The following LDLRAD4 variants were observed in gnomAD, a reference collection of about 807,000 sequenced individuals.
LDLRAD4 encodes low density lipoprotein receptor class A domain containing 4.
LDLRAD4 carries 5 observed loss-of-function variants against 17.0 expected under a neutral mutation model. That is an observed-to-expected ratio of 0.29 (90% CI 0.15 to 0.62). The LOEUF (loss-of-function observed/expected upper bound fraction) is 0.62, where lower values mean the gene tolerates loss of function less well. LDLRAD4 is among the 20% of genes least tolerant of loss of function. The probability of loss-of-function intolerance (pLI) is 0.84; values close to 1 mark genes in which losing one functional copy is unlikely to be tolerated. For synonymous variants in LDLRAD4, 168 were observed against 171.8 expected (o/e 0.98, Z 0.17); for missense variants, 340 against 424.7 (o/e 0.80, Z 1.75).
rs563011974 is a variant in LDLRAD4 at position 13,643,248 on chromosome 18, A to G, written c.337-111A>G. ...GGCGCCCGGCCTCGCTCCACGTTTT[A>G]TGCAGATCCCCGTTTCCAGAAGTTG... On this transcript the variant is annotated intron_variant, in intron 4 of 5. Coordinates refer to ENST00000359446, the Ensembl canonical transcript of LDLRAD4. 48 of 691,968 alleles carry G rather than the reference A, an allele frequency of 6.9e-5. No individual in the cohort carries two copies. In the African/African-American group the frequency reaches 8.7e-4, roughly 13 times the overall value. 42.9% of individuals were successfully genotyped at this position (691,968 alleles called of 1,614,324 possible). A position where few individuals can be genotyped will look rare whatever the true frequency, so the allele number is the denominator to read the frequency against.
chr18:13,311,932 C>T (rs748959372), intron 1 of LDLRAD4, among the ~76,000 whole-genome samples: 1 of 151,568 alleles, frequency 6.6e-6, no homozygotes, highest in Admixed American at 6.6e-5. Context: ...CCCGGGTTCA[C>T]GCCATTCTCC....
chr18:13,235,687 A>T (rs1427885985), intron 1 of LDLRAD4, among the ~76,000 whole-genome samples: 4 of 152,348 alleles, frequency 2.6e-5, no homozygotes, highest in African/African-American at 9.6e-5. Flanking sequence ...CATGTTGCAT[A>T]TGCGATCGGC....
chr18:13,415,207 C>A (rs956820547), intron 2 of LDLRAD4, among the ~76,000 whole-genome samples: 2 of 152,148 alleles, frequency 1.3e-5, no homozygotes, highest in Non-Finnish European at 2.9e-5. Context: ...TGGCTTATTC[C>A]TCTTGAGTTT....
intron 2 of LDLRAD4, among the ~76,000 whole-genome samples, chr18:13,417,423 T>C (rs79350217): frequency 0.014 from 2,164 of 151,104 alleles, 55 homozygotes; most frequent in African/African-American, 0.051. Context: ...GCTTTATTAG[T>C]TTGCTGTTTT....
At chr18:13,252,801 A>C (rs2043294126) in intron 1 of LDLRAD4, among the ~76,000 whole-genome samples, 1 of 152,226 alleles carries the variant, frequency 6.6e-6, no homozygotes, top group Admixed American at 6.5e-5. Flanking sequence ...CCACATCCAC[A>C]GCTGTTTCTG....
At chr18:13,598,614 C>G (rs1479744656) in intron 3 of LDLRAD4, among the ~76,000 whole-genome samples, 2 of 152,250 alleles carry the variant, frequency 1.3e-5, no homozygotes, top group African/African-American at 2.4e-5. Context: ...GCTTGTCACT[C>G]TCAAAGAGCT....
At chr18:13,462,864 C>T (rs1424600305) in intron 3 of LDLRAD4, among the ~76,000 whole-genome samples, 1 of 152,110 alleles carries the variant, frequency 6.6e-6, no homozygotes. Context: ...GGGGGCAGCT[C>T]GTGGCCTAGA....
chr18:13,275,349 C>T (rs1190115196), upstream of LDLRAD4, among the ~76,000 whole-genome samples: 1 of 152,220 alleles, frequency 6.6e-6, no homozygotes, highest in African/African-American at 2.4e-5. Flanking sequence ...CTCAGGTTCA[C>T]TGGTAAAATG....
chr18:13,651,613 T>G (rs1480776345), exon 6 of LDLRAD4: 1 of 152,240 alleles, frequency 6.6e-6, no homozygotes, highest in Non-Finnish European at 1.5e-5. Context: ...GCATTTATCT[T>G]CAAATACCCT....
Position 13,645,756 on chromosome 18 carries a change from A to AAAT in LDLRAD4, c.*102_*104dup. On this transcript the variant is annotated 3_prime_UTR_variant, in exon 6 of 6. Coordinates refer to ENST00000359446, the Ensembl canonical transcript of LDLRAD4. This position sits in a 1 kb window ranked among gnomAD's most constrained non-coding sequence, Gnocchi z 5.7. The stretch of plus-strand genomic sequence containing the variant: ...AGTGTTGTTCAGTTTCACATGGTAC[A>AAAT]AATAAGTAAAACCAAATGAGCAAAC... 1 of 904,718 alleles carries AAAT rather than the reference A, an allele frequency of 1.1e-6. No individual in the cohort carries two copies. 56.0% of individuals were successfully genotyped at this position (904,718 alleles called of 1,614,324 possible). A position where few individuals can be genotyped will look rare whatever the true frequency, so the allele number is the denominator to read the frequency against.
In LDLRAD4 at chr18:13,338,163, C is replaced by A. The variant is rs184202318; in HGVS notation, c.-382-49178C>A. Among the ~76,000 whole-genome samples the A allele has an allele frequency of 3.3e-5, 5 of 152,344 alleles. No homozygotes were observed. In the East Asian group the frequency reaches 9.6e-4, roughly 29 times the overall value. On this transcript the variant is annotated intron_variant, in intron 1 of 5. Coordinates refer to ENST00000359446, the Ensembl canonical transcript of LDLRAD4. ...TAGACACGCTCTCTATTCTCATCTG[C>A]TGCCTTGCTCACAACTTCTCTGAAT...
At chr18:13,450,611 G>A (rs937603984) in intron 3 of LDLRAD4, among the ~76,000 whole-genome samples, 1 of 152,214 alleles carries the variant, frequency 6.6e-6, no homozygotes, top group Non-Finnish European at 1.5e-5. Context: ...AGGTGACATG[G>A]GAGGGTGCAG....
At chr18:13,404,670 T>C (rs1440441663) in intron 2 of LDLRAD4, among the ~76,000 whole-genome samples, 3 of 151,602 alleles carry the variant, frequency 2.0e-5, no homozygotes, top group Non-Finnish European at 2.9e-5. Flanking sequence ...TAGTGGTGAG[T>C]GCCTGTAGTC....
chr18:13,303,148 A>C (rs1048718704), intron 1 of LDLRAD4, among the ~76,000 whole-genome samples: 1 of 152,232 alleles, frequency 6.6e-6, no homozygotes, highest in Non-Finnish European at 1.5e-5. Context: ...GCACCCCTGC[A>C]GGGCACATGC....
chr18:13,526,445 G>C (rs548861050), intron 3 of LDLRAD4: 1 of 152,192 alleles, frequency 6.6e-6, no homozygotes, highest in East Asian at 1.9e-4. Context: ...CAAAAACAAA[G>C]CCAGAAGTAT....
intron 1 of LDLRAD4, among the ~76,000 whole-genome samples, chr18:13,247,957 C>CACT (rs1555627098): frequency 1.0e-5 from 1 of 96,092 alleles, no homozygotes; most frequent in Non-Finnish European, 1.9e-5. Context: ...CGCCGCCCCC[C>CACT]GCCTTTTTTT....
At chr18:13,293,548 G>A (rs560634836) in intron 1 of LDLRAD4, among the ~76,000 whole-genome samples, 6 of 152,128 alleles carry the variant, frequency 3.9e-5, no homozygotes, top group Admixed American at 2.6e-4. Flanking sequence ...CAAAAATATC[G>A]GAAATATTGT....
At chr18:13,519,466 G>T (rs2093920123) in intron 3 of LDLRAD4, among the ~76,000 whole-genome samples, 1 of 152,144 alleles carries the variant, frequency 6.6e-6, no homozygotes, top group Admixed American at 6.5e-5. Flanking sequence ...ACTTCCAAAG[G>T]TTAGCAGAAA....
intron 1 of LDLRAD4, among the ~76,000 whole-genome samples, chr18:13,311,334 AC>A (rs796148582): frequency 2.0e-4 from 31 of 152,346 alleles, no homozygotes; most frequent in African/African-American, 7.2e-4. Context: ...GCACCTGCCT[AC>A]CGATCCACCC....
Sources: gnomAD v4.1 joint callset for allele counts (sites outside exome capture counted in the v4.1 genomes callset) on GRCh38, gnomAD v4.1.1 for gene constraint, Gnocchi (gnomAD v3.1) non-coding constraint, MANE v1.5 for transcripts, NCBI Gene and HGNC (gene_info 2026-07-23, HGNC 2026-07-21) for gene names.